The following PXT1 variants were observed in gnomAD, a reference collection of about 807,000 sequenced individuals.
PXT1 encodes the protein peroxisomal testis enriched protein 1, also known as peroxisomal testis-specific protein 1.
A neutral mutation model predicts 11.0 loss-of-function variants in PXT1; 11 were observed. The ratio of observed to expected loss-of-function variants is 1.00; its 90% CI spans 0.63 to 1.66. The LOEUF is 1.66. PXT1 is among the 40% of genes most tolerant of loss of function. The pLI is 0.00. For missense variants in PXT1, 141 were observed against 155.5 expected, an observed-to-expected ratio of 0.91 and a Z score of 0.49; for synonymous variants, 43 against 51.4, an observed-to-expected ratio of 0.84 and a Z score of 0.70.
intron 3 of PXT1, among the ~76,000 whole-genome samples, chr6:36,404,884 G>A (rs1048543104): frequency 6.6e-6 from 1 of 152,180 alleles, no homozygotes; most frequent in African/African-American, 2.4e-5. Context: ...TTGAAACTGG[G>A]AGGGAGAGGT....
In PXT1 at chr6:36,390,816, C is replaced by A. The variant is rs1237712716; in HGVS notation, c.*954G>T. ...TACATTCCACAGGCAAAGGGCCCAC[C>A]AACCAATAATAGCAAAACCATCCAG... On this transcript the variant is annotated 3_prime_UTR_variant, in exon 5 of 5. Coordinates refer to ENST00000454782, the MANE Select transcript of PXT1 (RefSeq NM_152990.4). The A allele has an allele frequency of 6.6e-6, 1 of 152,164 alleles. No individual in the cohort carries two copies. Among genetic ancestry groups the A allele is most frequent in the Non-Finnish European group, 1.5e-5 (1 of 68,048 alleles). 9.4% of individuals were successfully genotyped at this position (152,164 alleles called of 1,614,324 possible). A position where few individuals can be genotyped will look rare whatever the true frequency, so the allele number is the denominator to read the frequency against.
intron 3 of PXT1, among the ~76,000 whole-genome samples, chr6:36,420,254 TTAAG>T (rs1774505660): frequency 6.6e-6 from 1 of 152,188 alleles, no homozygotes; most frequent in Non-Finnish European, 1.5e-5. Flanking sequence ...GGTTTCAATA[TTAAG>T]TAATTGGAAA....
At chr6:36,428,000 T>A (rs146263909) in intron 2 of PXT1, among the ~76,000 whole-genome samples, 2 of 152,268 alleles carry the variant, frequency 1.3e-5, no homozygotes, top group African/African-American at 4.8e-5. Context: ...TGAGGTGTTG[T>A]GGGTTTCTGG....
intron 4 of PXT1, among the ~76,000 whole-genome samples, chr6:36,392,744 G>T (rs1774087080): frequency 6.6e-6 from 1 of 152,154 alleles, no homozygotes. Context: ...GGAGCAGAAA[G>T]TAACAACTGT....
At chr6:36,395,308 A>C (rs1774127905) in intron 4 of PXT1, among the ~76,000 whole-genome samples, 1 of 152,176 alleles carries the variant, frequency 6.6e-6, no homozygotes, top group Non-Finnish European at 1.5e-5. Flanking sequence ...TTCTTTAAAT[A>C]CATCAATGGC....
intron 3 of PXT1, among the ~76,000 whole-genome samples, chr6:36,417,591 CAAAAAAAA>C (rs70975157): frequency 5.0e-5 from 5 of 99,560 alleles, no homozygotes; most frequent in Non-Finnish European, 9.6e-5. Flanking sequence ...TTCGTCTCTA[CAAAAAAAA>C]AAAAAAAAAA....
rs1383815726 is a variant in PXT1, at chr6:36,398,204, CA to C, written c.300+2249del. 1.3e-5 allele frequency among the ~76,000 whole-genome samples: 2 copies of C among 152,076 alleles called. 1 individual carries two copies. The highest frequency in any genetic ancestry group is 4.1e-4 in the South Asian group (2 of 4,832). Reference sequence around the variant, plus strand: ...TCATACTCACTAGGATGGCTACAATCAAAAAGATAGTTAATAACAAATGTTG... The same window carrying C: ...TCATACTCACTAGGATGGCTACAATCAAAAGATAGTTAATAACAAATGTTG... On this transcript the variant is annotated intron_variant, in intron 4 of 4. Transcript: ENST00000454782.
In PXT1 at chr6:36,440,692, A is replaced by G. The variant is rs530755214; in HGVS notation, c.-129-1806T>C. Among the ~76,000 whole-genome samples, 17 of 152,286 alleles carry G rather than the reference A, an allele frequency of 1.1e-4. No individual in the cohort carries two copies. The East Asian group carries it at 1.7e-3, about 16-fold the overall frequency. ...AAATGATAAAAACCAGCAAACACCT[A>G]TGCTTTCTGTGAATATACATTTCTC... On this transcript the variant is annotated intron_variant, in intron 1 of 4. Coordinates refer to ENST00000454782, the MANE Select transcript of PXT1 (RefSeq NM_152990.4).
chr6:36,430,368 G>A (rs1774675781), intron 2 of PXT1, among the ~76,000 whole-genome samples: 1 of 152,092 alleles, frequency 6.6e-6, no homozygotes, highest in Admixed American at 6.6e-5. Flanking sequence ...ACCCTACCAG[G>A]CAGAATGGAC....
At chr6:36,392,785 T>C (rs1376615711) in intron 4 of PXT1, among the ~76,000 whole-genome samples, 2 of 152,112 alleles carry the variant, frequency 1.3e-5, no homozygotes, top group African/African-American at 4.8e-5. Context: ...AAGAAGACCA[T>C]GGGTCAGACA....
chr6:36,425,796 A>AAAACAAAAACAAAC lies in PXT1; in HGVS notation c.169+117_169+118insGTTTGTTTTTGTTT, dbSNP rs747980278. ...GAGCGAGACTCTGTCTCAAAAAACA[A>AAAACAAAAACAAAC]AAACAAAAAATATATATATATATAT... On this transcript the variant is annotated intron_variant, in intron 3 of 4. Transcript: ENST00000454782. 468 of 292,418 alleles carry AAAACAAAAACAAAC rather than the reference A, an allele frequency of 1.6e-3. 1 individual carries two copies. Among genetic ancestry groups the AAAACAAAAACAAAC allele is most frequent in the African/African-American group, 0.013 (410 of 32,228 alleles). The allele number at this position is 292,418 out of a possible 1,614,324, so 18.1% of individuals were successfully genotyped here. A position where few individuals can be genotyped will look rare whatever the true frequency, so the allele number is the denominator to read the frequency against.
intron 3 of PXT1, among the ~76,000 whole-genome samples, chr6:36,412,882 T>C (rs1353820881): frequency 2.1e-5 from 3 of 143,696 alleles, no homozygotes; most frequent in Non-Finnish European, 4.6e-5. Flanking sequence ...AAATTAAAAA[T>C]ACAATTGATA....
chr6:36,419,832 C>A lies in PXT1; in HGVS notation c.169+6082G>T, dbSNP rs191076568. Among the ~76,000 whole-genome samples the A allele has an allele frequency of 8.9e-4, 136 of 152,254 alleles. 1 individual carries two copies. The South Asian group carries it at 0.011, about 12-fold the overall frequency. On this transcript the variant is annotated intron_variant, in intron 3 of 4. Coordinates refer to ENST00000454782, the MANE Select transcript of PXT1 (RefSeq NM_152990.4). ...TGTATTTAAAGCTCCCGGTTTAGAACCAGGCGAAATATTTGGCCTTTGATC... is the reference window on the plus strand; with the variant it reads ...TGTATTTAAAGCTCCCGGTTTAGAAACAGGCGAAATATTTGGCCTTTGATC...
At chr6:36,395,938 G>A (rs1162718479) in intron 4 of PXT1, among the ~76,000 whole-genome samples, 2 of 152,150 alleles carry the variant, frequency 1.3e-5, no homozygotes, top group African/African-American at 2.4e-5. Flanking sequence ...GGGAAGTTGA[G>A]GCTGCAGTGA....
At chr6:36,400,309 G>C in intron 4 of PXT1, 145 bp downstream of exon 4, 1 of 1,009,506 alleles carries the variant, frequency 9.9e-7, no homozygotes, top group Non-Finnish European at 1.4e-6. Flanking sequence ...GGTTCACAAT[G>C]TTTAGATCTA....
intron 1 of PXT1, among the ~76,000 whole-genome samples, chr6:36,440,441 G>A (rs548228423): frequency 6.6e-6 from 1 of 151,978 alleles, no homozygotes; most frequent in Non-Finnish European, 1.5e-5. Context: ...ACAGTGGCGG[G>A]CGCCTGTAGT....
chr6:36,393,399 C>T (rs79601514), intron 4 of PXT1: 2,109 of 153,364 alleles, frequency 0.014, 93 homozygotes, highest in East Asian at 0.13. Context: ...CCTCTGCCTC[C>T]TCCCCAATAT....
chr6:36,392,452 T>G (rs116713091), intron 4 of PXT1, among the ~76,000 whole-genome samples: 3,803 of 152,232 alleles, frequency 0.025, 68 homozygotes, highest in Non-Finnish European at 0.039. Context: ...GTGAATGGCT[T>G]GAGTTCAGGA....
chr6:36,406,256 C>G (rs1474098469), intron 3 of PXT1, among the ~76,000 whole-genome samples: 1 of 152,118 alleles, frequency 6.6e-6, no homozygotes, highest in African/African-American at 2.4e-5. Context: ...ACACTTGACC[C>G]AAGAACAAAT....
Sources: allele counts gnomAD v4.1 joint callset (sites outside exome capture counted in the v4.1 genomes callset), GRCh38; gene constraint gnomAD v4.1.1; transcripts MANE v1.5; gene names NCBI Gene and HGNC (gene_info 2026-07-23, HGNC 2026-07-21).